The following MEG3 variants were observed in gnomAD, a reference collection of about 807,000 sequenced individuals.
The protein encoded by MEG3 is Very putative protein from MEG3 locus.
chr14:100,832,141 A>C (rs1204218893), downstream of MEG3: 1 of 152,118 alleles, frequency 6.6e-6, no homozygotes, highest in Non-Finnish European at 1.5e-5. Context: ...AGGGAGACTT[A>C]GAAAATATTA....
At chr14:100,826,571 A>G (rs1384314100) in intron 1 of MEG3, among the ~76,000 whole-genome samples, 1 of 152,126 alleles carries the variant, frequency 6.6e-6, no homozygotes, top group Admixed American at 6.5e-5. Flanking sequence ...GATTTCCTGT[A>G]TTAGAAGCCG....
rs538583590 is a variant in MEG3, at chr14:100,851,245, C to T, written n.3121+5712C>T. 200 of 152,442 alleles carry T rather than the reference C, an allele frequency of 1.3e-3. 2 individuals are homozygous for T. The highest frequency in any genetic ancestry group is 1.8e-3 in the Non-Finnish European group (126 of 68,134). 9.4% of individuals were successfully genotyped at this position (152,442 alleles called of 1,614,324 possible). On this transcript the variant is annotated intron_variant and non_coding_transcript_variant, in intron 3 of 3. Transcript: ENST00000398461. ...TGAGCCCCGCAGAAGGTTGCATGAACGAGTGGTGTGAAGCCTGTTGGGTAG... is the reference window on the plus strand; with the variant it reads ...TGAGCCCCGCAGAAGGTTGCATGAATGAGTGGTGTGAAGCCTGTTGGGTAG...
chr14:100,842,728 A>T (rs533113057), intron 2 of MEG3, among the ~76,000 whole-genome samples: 1 of 152,360 alleles, frequency 6.6e-6, no homozygotes, highest in South Asian at 2.1e-4. Flanking sequence ...CAGATCAGTT[A>T]GGTGCTGTTT....
At chr14:100,857,256 C>T (rs2038270343) in exon 1 of MEG3, 1 of 152,132 alleles carries the variant, frequency 6.6e-6, no homozygotes, top group African/African-American at 2.4e-5. Flanking sequence ...TGTTAGAAAG[C>T]GCGTAGCCTT....
chr14:100,856,156 C>T (rs2038235562), upstream of MEG3: 1 of 152,172 alleles, frequency 6.6e-6, no homozygotes, highest in African/African-American at 2.4e-5. Flanking sequence ...AGAATCACCT[C>T]CCGTGCAGGG....
chr14:100,830,821 ACAATAGC>A (rs1161781910), downstream of MEG3: 1 of 152,416 alleles, frequency 6.6e-6, no homozygotes, highest in Non-Finnish European at 1.5e-5. Context: ...CTCAGTGTAG[ACAATAGC>A]TGCCCAGCCT....
At chr14:100,854,160 G>A (rs931764682), upstream of MEG3, 1 of 152,242 alleles carries the variant, frequency 6.6e-6, no homozygotes, top group Admixed American at 6.5e-5. Context: ...GTTCAGCAAT[G>A]TATGACCACT....
At chr14:100,853,853 T>A (rs2038162776), upstream of MEG3, 1 of 152,248 alleles carries the variant, frequency 6.6e-6, no homozygotes, top group Admixed American at 6.5e-5. Flanking sequence ...ACAGATCAGT[T>A]TCCCCTGCTA....
At chr14:100,860,643 G>A (rs1043073881) in intron 1 of MEG3, 11 of 456,492 alleles carry the variant, frequency 2.4e-5, no homozygotes, top group African/African-American at 2.0e-4. Context: ...TTGTCGGCCA[G>A]CGAGGCCGGG....
rs1050902551 is a variant in MEG3, at chr14:100,837,679, C to T, written n.3045+1379C>T. Among the ~76,000 whole-genome samples, 17 of 151,954 alleles carry T rather than the reference C, an allele frequency of 1.1e-4. No individual in the cohort carries two copies. Among genetic ancestry groups the T allele is most frequent in the South Asian group, 4.2e-4 (2 of 4,804 alleles). On this transcript the variant is annotated intron_variant and non_coding_transcript_variant, in intron 2 of 3. Coordinates refer to the MEG3 transcript ENST00000398461. This position sits in a 1 kb window ranked among gnomAD's most constrained non-coding sequence, Gnocchi z 5.8. ...TCCGCCCTCCGCCACCCCCCACCCC[C>T]GGAGTGTCTCTGGTTTCCGACGCAG...
chr14:100,848,122 G>A (rs2037969943), intron 3 of MEG3: 1 of 152,148 alleles, frequency 6.6e-6, no homozygotes, highest in Non-Finnish European at 1.5e-5. Flanking sequence ...GGGAAGAAAT[G>A]TAAAAAGGAA....
exon 3 of MEG3, chr14:100,829,103 C>T (rs532227285): frequency 6.6e-6 from 1 of 152,334 alleles, no homozygotes; most frequent in East Asian, 1.9e-4. Context: ...CCCCCAGGAC[C>T]AGGATGGCAA....
chr14:100,850,206 C>T (rs189528438), intron 3 of MEG3: 1 of 152,238 alleles, frequency 6.6e-6, no homozygotes, highest in African/African-American at 2.4e-5. Flanking sequence ...TGGTGCTTGA[C>T]GTAGGAGCAG....
chr14:100,857,225 C>G (rs1444433549), upstream of MEG3: 1 of 152,196 alleles, frequency 6.6e-6, no homozygotes, highest in Non-Finnish European at 1.5e-5. Context: ...CTTGAGCTGT[C>G]TGATGCGAAT....
At chr14:100,836,426 C>T (rs2037582460) in intron 2 of MEG3, 2 of 424,892 alleles carry the variant, frequency 4.7e-6, no homozygotes, top group Non-Finnish European at 9.2e-6. Context: ...GAATTCTCTT[C>T]ACATCAGCCC....
At chr14:100,838,168 C>T (rs775536973) in intron 2 of MEG3, among the ~76,000 whole-genome samples, 2 of 152,102 alleles carry the variant, frequency 1.3e-5, no homozygotes, top group Admixed American at 6.5e-5. Context: ...TGGTTTCTCA[C>T]GGACATCTCA....
chr14:100,832,002 T>C (rs528573395), downstream of MEG3: 5 of 152,128 alleles, frequency 3.3e-5, no homozygotes, highest in Admixed American at 3.3e-4. Context: ...CACTAGATTT[T>C]CGTATACATT....
chr14:100,844,176 A>G (rs960526647), intron 2 of MEG3, among the ~76,000 whole-genome samples: 9 of 151,998 alleles, frequency 5.9e-5, no homozygotes, highest in Admixed American at 5.2e-4. Context: ...GTGCCCCCAC[A>G]TCTCTCTCAT....
chr14:100,829,310 G>C (rs1365324396), downstream of MEG3: 1 of 152,230 alleles, frequency 6.6e-6, no homozygotes, highest in Non-Finnish European at 1.5e-5. Flanking sequence ...CCCCAAGGGG[G>C]TGTCAGTCTT....
Sources: gnomAD v4.1 joint callset for allele counts (sites outside exome capture counted in the v4.1 genomes callset) on GRCh38, gnomAD v4.1.1 for gene constraint, Gnocchi (gnomAD v3.1) non-coding constraint, MANE v1.5 for transcripts, NCBI Gene and HGNC (gene_info 2026-07-23, HGNC 2026-07-21) for gene names.